HIPK1: variants seen among roughly 807,000 people sequenced by gnomAD.
HIPK1 encodes the protein homeodomain-interacting protein kinase 1.
A neutral mutation model predicts 117.1 loss-of-function variants in HIPK1; 28 were observed. The observed-to-expected ratio is 0.24, with a 90% CI of 0.18 to 0.33. The LOEUF is 0.33. Ranked by LOEUF, HIPK1 falls within the 10% of genes least tolerant of loss-of-function variation. HIPK1 has a pLI of 1.00. For missense variants in HIPK1, 1,122 were observed against 1,475.1 expected (o/e 0.76, Z 3.92); for synonymous variants, 605 against 562.5 (o/e 1.08, Z -1.07).
At chr1:113,936,419 A>G (rs1670251769) in intron 1 of HIPK1, among the ~76,000 whole-genome samples, 2 of 152,222 alleles carry the variant, frequency 1.3e-5, no homozygotes, top group African/African-American at 4.8e-5. Flanking sequence ...AAAGTTGGCA[A>G]TAATGTTACT....
rs562412614 is a variant in HIPK1 at position 113,973,546 on chromosome 1, C to T, written c.*34C>T. 1 of 1,545,972 alleles carries T rather than the reference C, an allele frequency of 6.5e-7. No homozygotes were observed. Among genetic ancestry groups the T allele is most frequent in the East Asian group, 2.3e-5 (1 of 44,208 alleles). On this transcript the variant is annotated 3_prime_UTR_variant, in exon 16 of 16. Coordinates refer to ENST00000426820, the MANE Select transcript of HIPK1 (RefSeq NM_198268.3). ...CATGAGGGAGGAGGAATCATGGCTA[C>T]CTTCTCCTGGCCCTGCGTTCTTAAT...
chr1:113,966,317 C>T (rs749816676), intron 11 of HIPK1, 45 bp downstream of exon 11: 1 of 1,570,110 alleles, frequency 6.4e-7, no homozygotes, highest in Non-Finnish European at 8.7e-7. Context: ...GGGCCGATCC[C>T]ATAGGGTGGG....
At position 113,970,164 on chromosome 1, in the gene HIPK1, C is replaced by T. The variant is rs2101492367; in HGVS notation, c.2980C>T (p.Leu994Phe). 1 of 1,614,172 alleles carries T rather than the reference C, an allele frequency of 6.2e-7. No individual in the cohort carries two copies. The highest frequency in any genetic ancestry group is 1.6e-4 in the Middle Eastern group (1 of 6,062). ...CATTGTGCCTCCACTGAAAACTCAG[C>T]TTGGTGACTGCACTGTAGCAACCCA... ...TIIVPPLKTQ[L>F]GDCTVATQAS... Residue 994 changes from leucine to phenylalanine, a missense_variant, in exon 14 of 16, where the codon CTT becomes TTT. Physicochemically the swap from Leu to Phe is conservative, Grantham distance 22 (BLOSUM62 0). This residue lies in a region of HIPK1 where 731 missense variants were observed against 860.4 expected (regional missense o/e 0.85). Transcript: ENST00000426820.
intron 14 of HIPK1, among the ~76,000 whole-genome samples, chr1:113,971,115 A>G (rs1185518978): frequency 6.6e-6 from 1 of 152,248 alleles, no homozygotes; most frequent in Non-Finnish European, 1.5e-5. Flanking sequence ...AGACATAAAC[A>G]GGGTTGTAAT....
In HIPK1 at chr1:113,966,290, C is replaced by G. The variant is rs376210598; in HGVS notation, c.2381+18C>G. 1.2e-5 allele frequency: 19 copies of G among 1,602,804 alleles called. No individual in the cohort carries two copies. Among genetic ancestry groups the G allele is most frequent in the Non-Finnish European group, 1.5e-5 (18 of 1,174,562 alleles). On this transcript the variant is annotated intron_variant, in intron 11 of 15. Coordinates refer to ENST00000426820, the MANE Select transcript of HIPK1 (RefSeq NM_198268.3). Reference sequence around the variant, plus strand: ...GACTGGAGGCAAGTGTCCTGTGTTACTCTGGGAGATTTGTAAGGGCCGATC... The same window carrying G: ...GACTGGAGGCAAGTGTCCTGTGTTAGTCTGGGAGATTTGTAAGGGCCGATC...
rs1397221399 is a variant in HIPK1 at position 113,975,661 on chromosome 1, TGAG to T, written c.*2153_*2155del. Reference sequence around the variant, plus strand: ...TATTGCTTACCATGTCCCCATACTATGAGGAGAAGTTTTGTGGTGCCGCTGGTG... The same window carrying T: ...TATTGCTTACCATGTCCCCATACTATGAGAAGTTTTGTGGTGCCGCTGGTG... On this transcript the variant is annotated 3_prime_UTR_variant, in exon 16 of 16. Coordinates refer to ENST00000426820, the MANE Select transcript of HIPK1 (RefSeq NM_198268.3). The T allele has an allele frequency of 6.5e-6, 1 of 152,678 alleles. No homozygotes were observed. Among genetic ancestry groups the T allele is most frequent in the South Asian group, 2.1e-4 (1 of 4,816 alleles). The allele number at this position is 152,678 out of a possible 1,614,324, so 9.5% of individuals were successfully genotyped here. A position where few individuals can be genotyped will look rare whatever the true frequency, so the allele number is the denominator to read the frequency against.
chr1:113,941,067 C>A lies in HIPK1; in HGVS notation c.684C>A (p.Ala228=). Residue 228 remains alanine (A), a synonymous_variant, in exon 2 of 16, where the codon GCC becomes GCA. Transcript: ENST00000426820. This position sits in a 1 kb window ranked among gnomAD's most constrained non-coding sequence, Gnocchi z 4.9. ...IKILKNHPSY[A]RQGQIEVSIL... The stretch of plus-strand genomic sequence containing the variant: ...TCTTGAAGAACCACCCCTCCTATGC[C>A]AGACAAGGACAGATTGAAGTGAGCA... 6.2e-7 allele frequency: 1 copy of A among 1,614,186 alleles called. No individual in the cohort carries two copies.
chr1:113,929,666 G>A, intron 1 of HIPK1, 134 bp downstream of exon 1: 2 of 903,430 alleles, frequency 2.2e-6, no homozygotes, highest in South Asian at 3.6e-5. Context: ...CCCGGCGGTA[G>A]CCCCGGACGG....
chr1:113,959,854 A>C (rs997972123), intron 8 of HIPK1, among the ~76,000 whole-genome samples: 1 of 152,202 alleles, frequency 6.6e-6, no homozygotes, highest in African/African-American at 2.4e-5. Flanking sequence ...ATAATGTTCC[A>C]AGTGCTTTTA....
chr1:113,968,692 T>C (rs756341309), intron 13 of HIPK1, 44 bp downstream of exon 13: 2 of 1,543,142 alleles, frequency 1.3e-6, no homozygotes, highest in East Asian at 4.5e-5. Flanking sequence ...TTTTAGACTG[T>C]TGGCCTCAGG....
chr1:113,940,915 G>A lies in HIPK1; in HGVS notation c.532G>A (p.Val178Ile). ...SSSGEGDYQLVQHEILCSMTN... is the reference protein window; with the variant it reads ...SSSGEGDYQLIQHEILCSMTN... ...CAGCGGAGAAGGGGATTACCAGCTG[G>A]TCCAGCATGAGATCCTTTGCTCTAT... Residue 178 changes from valine (V) to isoleucine (I), a missense_variant, in exon 2 of 16, where the codon GTC becomes ATC. This residue lies in a region of HIPK1 where 192 missense variants were observed against 234.0 expected (regional missense o/e 0.82). Transcript: ENST00000426820. 6.2e-7 allele frequency: 1 copy of A among 1,614,140 alleles called. No individual in the cohort carries two copies. Among genetic ancestry groups the A allele is most frequent in the East Asian group, 2.2e-5 (1 of 44,874 alleles).
intron 2 of HIPK1, among the ~76,000 whole-genome samples, chr1:113,949,511 T>A (rs1671207177): frequency 6.6e-6 from 1 of 152,184 alleles, no homozygotes; most frequent in Non-Finnish European, 1.5e-5. Context: ...TGGTTGAGAT[T>A]TCACTGAACT....
intron 7 of HIPK1, 124 bp downstream of exon 7, chr1:113,957,410 T>A: frequency 1.4e-6 from 1 of 704,618 alleles, no homozygotes; most frequent in South Asian, 2.0e-5. Flanking sequence ...ATTCTCCACT[T>A]GACAAAAGTT....
At chr1:113,951,167 CATTT>C in intron 2 of HIPK1, 1 of 917,174 alleles carries the variant, frequency 1.1e-6, no homozygotes, top group Non-Finnish European at 1.3e-6. Flanking sequence ...ATTTATGTGT[CATTT>C]ATTATTATTG....
At chr1:113,951,491 C>T (rs999969942) in intron 2 of HIPK1, among the ~76,000 whole-genome samples, 22 of 152,136 alleles carry the variant, frequency 1.4e-4, no homozygotes, top group African/African-American at 2.2e-4. Flanking sequence ...TATATATAAA[C>T]GTCTGAGTTA....
In HIPK1 at chr1:113,941,577, G is replaced by A; in HGVS notation, c.1076+118G>A. 1 of 799,898 alleles carries A rather than the reference G, an allele frequency of 1.3e-6. No homozygotes were observed. The highest frequency in any genetic ancestry group is 2.0e-6 in the Non-Finnish European group (1 of 502,398). 49.6% of individuals were successfully genotyped at this position (799,898 alleles called of 1,614,324 possible). A position where few individuals can be genotyped will look rare whatever the true frequency, so the allele number is the denominator to read the frequency against. On this transcript the variant is annotated intron_variant, in intron 2 of 15. Coordinates refer to ENST00000426820, the MANE Select transcript of HIPK1 (RefSeq NM_198268.3). This position sits in a 1 kb window ranked among gnomAD's most constrained non-coding sequence, Gnocchi z 4.9. ...GTTTATAGATTCTGAGATAGAAATA[G>A]GATATGTTTTAGCTCATTCTATGTG...
At chr1:113,932,066 C>G (rs1489145602) in intron 1 of HIPK1, 10 of 152,068 alleles carry the variant, frequency 6.6e-5, no homozygotes, top group Admixed American at 6.5e-4. Context: ...GTTTTTGTTC[C>G]TGATCTTCCC....
At chr1:113,935,658 C>T (rs1670204906) in intron 1 of HIPK1, among the ~76,000 whole-genome samples, 1 of 152,138 alleles carries the variant, frequency 6.6e-6, no homozygotes. Flanking sequence ...TAAGTGTTCC[C>T]TTTTCTTCAC....
intron 15 of HIPK1, 32 bp from the exon 16 acceptor site, chr1:113,972,992 A>G: frequency 2.0e-6 from 3 of 1,512,682 alleles, no homozygotes; most frequent in South Asian, 1.3e-5. Context: ...GAGTGACCTC[A>G]GGATTCCTCA....
Sources: allele counts gnomAD v4.1 joint callset (sites outside exome capture counted in the v4.1 genomes callset), GRCh38; gene constraint gnomAD v4.1.1; regional missense constraint gnomAD v4.1.1; non-coding constraint Gnocchi (gnomAD v3.1); transcripts MANE v1.5; gene names NCBI Gene and HGNC (gene_info 2026-07-23, HGNC 2026-07-21).